BAZ2A: variants seen among roughly 807,000 people sequenced by gnomAD.
The protein encoded by BAZ2A is bromodomain adjacent to zinc finger domain protein 2A.
In BAZ2A, 34 loss-of-function variants were observed where a neutral mutation model predicts 199.9. That is an observed-to-expected ratio of 0.17 (90% confidence interval 0.13 to 0.23). The LOEUF is 0.23. Among genes scored for constraint, BAZ2A ranks in the 10% least tolerant of loss-of-function variants. The probability of loss-of-function intolerance (pLI) is 1.00; values close to 1 mark genes in which losing one functional copy is unlikely to be tolerated. For missense variants in BAZ2A, 2,002 were observed against 2,391.1 expected (o/e 0.84, Z 3.39); for synonymous variants, 857 against 883.9 (o/e 0.97, Z 0.54).
Position 56,599,975 on chromosome 12 carries a change from C to G in BAZ2A, c.5014G>C (p.Val1672Leu), listed in dbSNP as rs375385316. ...TCTCAGCCTCTTACCACTTTGTTGA[C>G]AGACTTCTCCCAGGCAATGGACCTC... Reference protein sequence around the residue: ...LERSIAWEKSVNKVTCLVCRK... With the variant: ...LERSIAWEKSLNKVTCLVCRK... Residue 1672 changes from valine (V) to leucine (L), a missense_variant, in exon 25 of 29, where the codon GTC becomes CTC. By Grantham distance (32) the Val-to-Leu change is conservative. Coordinates refer to ENST00000549884, the MANE Select transcript of BAZ2A (RefSeq NM_001300905.2). The G allele has an allele frequency of 2.5e-6, 4 of 1,614,008 alleles. No individual in the cohort carries two copies. Among genetic ancestry groups the G allele is most frequent in the Non-Finnish European group, 3.4e-6 (4 of 1,179,882 alleles).
In BAZ2A at chr12:56,601,615, G is replaced by A. The variant is rs1886493458; in HGVS notation, c.4002C>T (p.Pro1334=). The change falls in exon 20 of 29, where the codon CCC becomes CCT. Residue 1334 remains proline (P), a synonymous_variant. Coordinates refer to ENST00000549884, the MANE Select transcript of BAZ2A (RefSeq NM_001300905.2). The part of the protein sequence containing the change: ...ISAQMPCNAA[P]TPPPAVSEDQ... ...CCTCAGAAACTGCAGGGGGCGGTGT[G>A]GGGGCAGCATTGCAGGGCATCTGGG... The A allele has an allele frequency of 1.2e-6, 2 of 1,613,922 alleles. No homozygotes were observed. The highest frequency in any genetic ancestry group is 1.3e-5 in the African/African-American group (1 of 75,022).
rs1402937421 is a variant in BAZ2A, at chr12:56,635,746, A to G, written c.4+436T>C. On this transcript the variant is annotated intron_variant, in intron 1 of 29. Coordinates refer to the BAZ2A transcript ENST00000379441. The surrounding 1 kb of genome is among the most constrained non-coding windows in gnomAD (Gnocchi z 4.1). ...ACCTGAAGGTGGGTCAAGGTGGGGG[A>G]GGAGAGAAGACAGACTTAAAAGGCC... 6.6e-6 allele frequency among the ~76,000 whole-genome samples: 1 copy of G among 152,032 alleles called. No homozygotes were observed.
intron 10 of BAZ2A, among the ~76,000 whole-genome samples, chr12:56,609,398 A>C (rs1253845195): frequency 6.6e-6 from 1 of 152,172 alleles, no homozygotes; most frequent in Non-Finnish European, 1.5e-5. Context: ...ATGATAGTAG[A>C]AATGGGTAAG....
intron 12 of BAZ2A, 24 bp downstream of exon 12, chr12:56,606,223 T>TG: frequency 6.2e-7 from 1 of 1,613,812 alleles, no homozygotes; most frequent in Non-Finnish European, 8.5e-7. Flanking sequence ...AAATTATACT[T>TG]GGCAAGTTTG....
Position 56,602,141 on chromosome 12 carries a change from T to C in BAZ2A, c.3476A>G (p.His1159Arg), listed in dbSNP as rs766257535. ...GAAGAGGGCAGGGTTGAGTGACGCATGGGCTGCCACTTTTAAGGAGTCAGT... is the reference window on the plus strand; with the variant it reads ...GAAGAGGGCAGGGTTGAGTGACGCACGGGCTGCCACTTTTAAGGAGTCAGT... ...KETDSLKVAA[H>R]ASLNPALFSM... Residue 1159 changes from histidine to arginine, a missense_variant, in exon 20 of 29, where the codon CAT becomes CGT. His to Arg is a conservative substitution (Grantham distance 29). This residue lies in a region of BAZ2A where 1,081 missense variants were observed against 1,274.7 expected (regional missense o/e 0.85). Coordinates refer to ENST00000549884, the MANE Select transcript of BAZ2A (RefSeq NM_001300905.2). 25 of 1,593,304 alleles carry C rather than the reference T, an allele frequency of 1.6e-5. No individual in the cohort carries two copies. Among genetic ancestry groups the C allele is most frequent in the Non-Finnish European group, 1.9e-5 (22 of 1,169,734 alleles).
upstream of BAZ2A, among the ~76,000 whole-genome samples, chr12:56,633,294 C>T (rs1454878702): frequency 6.6e-6 from 1 of 152,132 alleles, no homozygotes; most frequent in Non-Finnish European, 1.5e-5. Flanking sequence ...ATCCTTCCCT[C>T]TCCCCCACCA....
intron 1 of BAZ2A, chr12:56,621,052 A>G (rs1468884108): frequency 1.0e-6 from 1 of 985,006 alleles, no homozygotes; most frequent in African/African-American, 1.7e-5. Flanking sequence ...AGTCCTGGAA[A>G]TACTATGCCT....
chr12:56,604,213 C>T lies in BAZ2A; in HGVS notation c.3038+4G>A. Reference sequence around the variant, plus strand: ...TGAGGCTCTACTCTCTGTCTGGTCCCTACCTCCGGAGCCGGCCTTCAACAA... The same window carrying T: ...TGAGGCTCTACTCTCTGTCTGGTCCTTACCTCCGGAGCCGGCCTTCAACAA... On this transcript the variant is annotated splice_donor_region_variant and intron_variant, in intron 16 of 28. Transcript: ENST00000549884. 2 of 1,602,522 alleles carry T rather than the reference C, an allele frequency of 1.2e-6. No homozygotes were observed. Among genetic ancestry groups the T allele is most frequent in the Non-Finnish European group, 1.7e-6 (2 of 1,173,858 alleles).
chr12:56,608,550 G>A (rs1950444511), intron 10 of BAZ2A, among the ~76,000 whole-genome samples: 1 of 151,784 alleles, frequency 6.6e-6, no homozygotes, highest in South Asian at 2.1e-4. Context: ...CACTAAAACA[G>A]TGCCTATTAT....
At position 56,611,971 on chromosome 12, in the gene BAZ2A, A is replaced by G. The variant is rs754212804; in HGVS notation, c.1411T>C (p.Ser471Pro). Residue 471 changes from serine (S) to proline (P), a missense_variant, in exon 6 of 29, where the codon TCC becomes CCC. By Grantham distance (74) the Ser-to-Pro change is moderately conservative. Transcript: ENST00000549884. ...PAVFSVVSPA[S>P]SAVLPAVSLE... ...GAGACTGCTGGGAGGACTGCTGAGG[A>G]AGCTGGAGAGACCACTGAGAAGACT... 1.2e-6 allele frequency: 2 copies of G among 1,613,302 alleles called. No homozygotes were observed. Among genetic ancestry groups the G allele is most frequent in the African/African-American group, 2.7e-5 (2 of 74,896 alleles).
At chr12:56,619,557 C>CT (rs1255186809) in intron 1 of BAZ2A, among the ~76,000 whole-genome samples, 2 of 150,896 alleles carry the variant, frequency 1.3e-5, no homozygotes, top group Admixed American at 6.6e-5. Flanking sequence ...GCCCACTGGC[C>CT]AAAGTCTGCA....
In BAZ2A at chr12:56,613,193, C is replaced by T; in HGVS notation, c.957G>A (p.Glu319=). 2 of 1,614,048 alleles carry T rather than the reference C, an allele frequency of 1.2e-6. No individual in the cohort carries two copies. Among genetic ancestry groups the T allele is most frequent in the Non-Finnish European group, 8.5e-7 (1 of 1,179,906 alleles). ...GCAGCTTGTCCTCTGCACCCATCAGCTCCGTGTCATCAATACCATATAGTC... is the reference window on the plus strand; with the variant it reads ...GCAGCTTGTCCTCTGCACCCATCAGTTCCGTGTCATCAATACCATATAGTC... ...SGGLYGIDDT[E]LMGAEDKLPL... is the part of the protein sequence containing the mutation. The change falls in exon 5 of 29, where the codon GAG becomes GAA. Residue 319 remains glutamate, a synonymous_variant. Coordinates refer to ENST00000549884, the MANE Select transcript of BAZ2A (RefSeq NM_001300905.2).
chr12:56,615,099 C>T lies in BAZ2A; in HGVS notation c.645G>A (p.Glu215=). Reference sequence around the variant, plus strand: ...CTGAAGTCATCTCCTTTTCTGCTGCCTCATCAGGATGGATACCACTGCCTA... The same window carrying T: ...CTGAAGTCATCTCCTTTTCTGCTGCTTCATCAGGATGGATACCACTGCCTA... ...QEVGSGIHPD[E]AAEKEMTSVV... The change falls in exon 3 of 29, where the codon GAG becomes GAA. Residue 215 remains glutamate, a synonymous_variant. Transcript: ENST00000549884. The T allele has an allele frequency of 1.2e-6, 2 of 1,613,938 alleles. No individual in the cohort carries two copies. Among genetic ancestry groups the T allele is most frequent in the South Asian group, 1.1e-5 (1 of 91,040 alleles).
rs1401197312 is a variant in BAZ2A, at chr12:56,630,225, C to T, written c.-103G>A. 4 of 984,170 alleles carry T rather than the reference C, an allele frequency of 4.1e-6. No homozygotes were observed. The highest frequency in any genetic ancestry group is 1.1e-4 in the East Asian group (1 of 8,810). The allele number at this position is 984,170 out of a possible 1,614,324, so 61.0% of individuals were successfully genotyped here. A position where few individuals can be genotyped will look rare whatever the true frequency, so the allele number is the denominator to read the frequency against. On this transcript the variant is annotated 5_prime_UTR_variant, in exon 1 of 29. Coordinates refer to ENST00000549884, the MANE Select transcript of BAZ2A (RefSeq NM_001300905.2). Reference sequence around the variant, plus strand: ...GGGCGCCAGAACGGGTGGAGACGCCCGCTGGGGAGGGGGTCTGGGGTCCGG... The same window carrying T: ...GGGCGCCAGAACGGGTGGAGACGCCTGCTGGGGAGGGGGTCTGGGGTCCGG...
rs766668718 is a variant in BAZ2A at position 56,615,221 on chromosome 12, C to T, written c.523G>A (p.Glu175Lys). The T allele has an allele frequency of 6.2e-7, 1 of 1,613,866 alleles. No individual in the cohort carries two copies. Among genetic ancestry groups the T allele is most frequent in the Non-Finnish European group, 8.5e-7 (1 of 1,179,856 alleles). The change falls in exon 3 of 29, where the codon GAG (glutamate) becomes AAG (lysine). Residue 175 changes from glutamate to lysine, a missense_variant. Around this residue, in one of 6 missense-constraint regions of BAZ2A, gnomAD observed 641 missense variants for 694.5 expected, o/e 0.92. Transcript: ENST00000549884. ...LYDSFPDQNFEVMPNGPPSFF... is the reference protein window; with the variant it reads ...LYDSFPDQNFKVMPNGPPSFF... ...CTAGGGGGTCCATTGGGCATCACCT[C>T]AAAATTCTGGTCAGGAAAGGAATCA...
rs1565803677 is a variant in BAZ2A at position 56,599,131 on chromosome 12, G to A, written c.5400C>T (p.Cys1800=). 1 of 1,608,464 alleles carries A rather than the reference G, an allele frequency of 6.2e-7. No individual in the cohort carries two copies. The highest frequency in any genetic ancestry group is 8.5e-7 in the Non-Finnish European group (1 of 1,177,300). The stretch of plus-strand genomic sequence containing the variant: ...CCCCCAGGATTCACTCAACTCACTC[G>A]CAAAATGTGAGATCACTGTGGTGGT... The part of the protein sequence containing the change: ...MRNHHSDLTF[C]EIILMEMESH... Residue 1800 remains cysteine, a splice_region_variant and synonymous_variant, in exon 27 of 29, where the codon TGC becomes TGT. Transcript: ENST00000549884.
At chr12:56,625,072 AT>A (rs1399073207) in intron 1 of BAZ2A, among the ~76,000 whole-genome samples, 1 of 151,972 alleles carries the variant, frequency 6.6e-6, no homozygotes, top group Non-Finnish European at 1.5e-5. Context: ...TGCCTCTGAA[AT>A]TGCAGGACAC....
chr12:56,634,922 T>C, upstream of BAZ2A: 1 of 984,936 alleles, frequency 1.0e-6, no homozygotes, highest in South Asian at 4.7e-5. Context: ...ACTCCGGAGC[T>C]GGAGGTGGGT....
chr12:56,629,955 G>C (rs1466015668), intron 1 of BAZ2A, 170 bp downstream of exon 1: 3 of 418,474 alleles, frequency 7.2e-6, no homozygotes, highest in South Asian at 2.0e-4. Context: ...CCAGACCCCA[G>C]AGCAAGGAGA....
Sources: gnomAD v4.1 joint callset for allele counts (sites outside exome capture counted in the v4.1 genomes callset) on GRCh38, gnomAD v4.1.1 for gene constraint, gnomAD v4.1.1 regional missense constraint, Gnocchi (gnomAD v3.1) non-coding constraint, MANE v1.5 for transcripts, NCBI Gene and HGNC (gene_info 2026-07-23, HGNC 2026-07-21) for gene names.